Variants in RBFOX1 observed in about 807,000 individuals in gnomAD.
The protein encoded by RBFOX1 is RNA binding fox-1 homolog 1, also known as RNA binding protein fox-1 homolog 1.
A neutral mutation model predicts 57.7 loss-of-function variants in RBFOX1; 8 were observed. The ratio of observed to expected loss-of-function variants is 0.14; its 90% CI spans 0.08 to 0.25. RBFOX1 has a LOEUF of 0.25. Among genes scored for constraint, RBFOX1 ranks in the 10% least tolerant of loss-of-function variants. The pLI is 1.00. For synonymous variants in RBFOX1, 326 were observed against 222.4 expected, an observed-to-expected ratio of 1.47 and a Z score of -4.15; for missense variants, 611 against 548.5, an observed-to-expected ratio of 1.11 and a Z score of -1.14.
intron 1 of RBFOX1, among the ~76,000 whole-genome samples, chr16:5,255,613 T>C (rs1187404519): frequency 2.1e-5 from 3 of 142,866 alleles, no homozygotes; most frequent in Non-Finnish European, 4.6e-5. Flanking sequence ...CTCATCCATT[T>C]CTCCACCCAC....
chr16:5,667,063 C>G (rs2049870032), intron 3 of RBFOX1, among the ~76,000 whole-genome samples: 1 of 152,212 alleles, frequency 6.6e-6, no homozygotes, highest in South Asian at 2.1e-4. Context: ...GTTCTGCCGT[C>G]TACCTTCAGG....
intron 1 of RBFOX1, among the ~76,000 whole-genome samples, chr16:6,306,317 A>G (rs1012422007): frequency 2.6e-5 from 4 of 152,172 alleles, no homozygotes; most frequent in African/African-American, 9.7e-5. Context: ...GAAACCACAC[A>G]GGGGATCTCC....
At chr16:6,500,896 T>TTTGTTTGTTTGTTTG (rs1555507187) in intron 2 of RBFOX1, among the ~76,000 whole-genome samples, 14 of 142,376 alleles carry the variant, frequency 9.8e-5, no homozygotes, top group African/African-American at 3.1e-4. Context: ...TTTTTTTTTT[T>TTTGTTTGTTTGTTTG]TTTTTAATGC....
intron 4 of RBFOX1, among the ~76,000 whole-genome samples, chr16:7,351,973 G>A (rs78794814): frequency 0.033 from 5,028 of 152,234 alleles, 182 homozygotes; most frequent in African/African-American, 0.089. Flanking sequence ...TTTTGGAGCT[G>A]AAAAGGAAGG....
At chr16:7,083,551 G>T (rs1436505693) in intron 4 of RBFOX1, among the ~76,000 whole-genome samples, 2 of 152,094 alleles carry the variant, frequency 1.3e-5, no homozygotes, top group Non-Finnish European at 2.9e-5. Flanking sequence ...GATCAAATGG[G>T]TTTCTTTGTT....
At chr16:5,421,802 A>G (rs757751546) in intron 1 of RBFOX1, among the ~76,000 whole-genome samples, 1 of 152,230 alleles carries the variant, frequency 6.6e-6, no homozygotes, top group Middle Eastern at 3.2e-3. Flanking sequence ...AAGAAACCCA[A>G]TAGAAAAATG....
chr16:7,437,118 G>A (rs919010689), intron 4 of RBFOX1, among the ~76,000 whole-genome samples: 1 of 152,084 alleles, frequency 6.6e-6, no homozygotes, highest in African/African-American at 2.4e-5. Flanking sequence ...CAGAGCAGAA[G>A]CATCACAGGG....
rs117720720 is a variant in RBFOX1 at position 6,860,402 on chromosome 16, G to A, written c.-15-191655G>A. Among the ~76,000 whole-genome samples the A allele has an allele frequency of 5.7e-4, 87 of 152,318 alleles. 1 individual carries two copies. In the East Asian group the frequency reaches 0.012, roughly 22 times the overall value. ...TATTTCAAACTCTTCAAATCTGCAAGTCTTACAAAACACTACACGTTGGCT... is the reference window on the plus strand; with the variant it reads ...TATTTCAAACTCTTCAAATCTGCAAATCTTACAAAACACTACACGTTGGCT... On this transcript the variant is annotated intron_variant, in intron 3 of 15. Transcript: ENST00000550418.
At chr16:6,305,849 G>A (rs185952982) in intron 1 of RBFOX1, among the ~76,000 whole-genome samples, 15 of 152,040 alleles carry the variant, frequency 9.9e-5, no homozygotes, top group Non-Finnish European at 1.8e-4. Flanking sequence ...CTTTCTTCAC[G>A]TATGCACTTG....
At chr16:5,507,638 A>G (rs1206246194) in intron 2 of RBFOX1, among the ~76,000 whole-genome samples, 2 of 152,252 alleles carry the variant, frequency 1.3e-5, no homozygotes, top group Non-Finnish European at 2.9e-5. Context: ...TCTTTGCAGT[A>G]TAATCCAGTT....
chr16:6,526,553 A>C (rs533608216), intron 2 of RBFOX1, among the ~76,000 whole-genome samples: 1 of 152,178 alleles, frequency 6.6e-6, no homozygotes, highest in South Asian at 2.1e-4. Context: ...TAAGAGGGCC[A>C]GGCACAGTGG....
chr16:5,979,235 G>C (rs757337708), intron 4 of RBFOX1, among the ~76,000 whole-genome samples: 1 of 152,128 alleles, frequency 6.6e-6, no homozygotes, highest in East Asian at 1.9e-4. Context: ...GCACGTTTCT[G>C]GAATGGAGGA....
chr16:6,464,769 C>T (rs1025152479), intron 2 of RBFOX1, among the ~76,000 whole-genome samples: 1 of 152,218 alleles, frequency 6.6e-6, no homozygotes, highest in Non-Finnish European at 1.5e-5. Flanking sequence ...TACTGAGCTA[C>T]AGCATTAATC....
chr16:7,178,384 C>G (rs891996017), intron 4 of RBFOX1, among the ~76,000 whole-genome samples: 1 of 152,124 alleles, frequency 6.6e-6, no homozygotes, highest in Admixed American at 6.5e-5. Flanking sequence ...TAGCTACTTG[C>G]AAGGACATGG....
At chr16:6,214,653 GA>G (rs2097321412) in intron 1 of RBFOX1, among the ~76,000 whole-genome samples, 2 of 128,702 alleles carry the variant, frequency 1.6e-5, no homozygotes, top group African/African-American at 3.0e-5. Flanking sequence ...GGGACAGGGA[GA>G]GAGGGAGAAG....
chr16:6,085,387 C>A (rs963699394), intron 1 of RBFOX1, among the ~76,000 whole-genome samples: 1 of 152,208 alleles, frequency 6.6e-6, no homozygotes. Context: ...ATTCTCCTGC[C>A]TCAGCCTCCC....
At chr16:7,258,637 G>C (rs2094793957) in intron 4 of RBFOX1, among the ~76,000 whole-genome samples, 1 of 152,076 alleles carries the variant, frequency 6.6e-6, no homozygotes, top group Non-Finnish European at 1.5e-5. Context: ...TATCCATCCT[G>C]TACTATATTA....
chr16:6,080,291 C>T (rs953716114), intron 1 of RBFOX1, among the ~76,000 whole-genome samples: 6 of 151,664 alleles, frequency 4.0e-5, no homozygotes, highest in African/African-American at 1.4e-4. Context: ...TGGTTAATAC[C>T]ACCATTTTCT....
At chr16:7,031,456 C>A (rs1049508550) in intron 3 of RBFOX1, among the ~76,000 whole-genome samples, 1 of 151,918 alleles carries the variant, frequency 6.6e-6, no homozygotes, top group African/African-American at 2.4e-5. Context: ...ATTAGCTAGG[C>A]ATGGTGGCAC....
Sources: allele counts gnomAD v4.1 joint callset (sites outside exome capture counted in the v4.1 genomes callset), GRCh38; gene constraint gnomAD v4.1.1; transcripts MANE v1.5; gene names NCBI Gene and HGNC (gene_info 2026-07-23, HGNC 2026-07-21).